RYR1: variants seen among roughly 807,000 people sequenced by gnomAD.
The protein encoded by RYR1 is ryanodine receptor 1.
Under a neutral mutation model 583.5 loss-of-function variants are expected in RYR1, and 342 were observed. That is an observed-to-expected ratio of 0.59 (90% CI 0.54 to 0.64). RYR1 has a LOEUF of 0.64. RYR1 is among the 30% of genes least tolerant of loss of function. The probability of loss-of-function intolerance (pLI) is 0.00; values close to 1 mark genes in which losing one functional copy is unlikely to be tolerated. For synonymous variants in RYR1, 2,791 were observed against 2,822.5 expected, an observed-to-expected ratio of 0.99 and a Z score of 0.35; for missense variants, 6,032 against 6,917.2, an observed-to-expected ratio of 0.87 and a Z score of 4.54.
At chr19:38,519,185 T>C (rs202149131) in intron 66 of RYR1, 29 bp from the exon 67 acceptor site, 63 of 1,613,662 alleles carry the variant, frequency 3.9e-5, no homozygotes, top group Non-Finnish European at 5.2e-5. Flanking sequence ...AGGCCGGAGG[T>C]GGCATCAGAG....
In RYR1 at chr19:38,517,469, A is replaced by T. The variant is rs201588259; in HGVS notation, c.9796A>T (p.Met3266Leu). The part of the protein sequence containing the change: ...LAESGARYTE[M>L]PHVIEITLPM... ...CGAGTCAGGTGCCCGCTACACAGAG[A>T]TGCCGCATGTCATCGAGATCACGCT... is the stretch of plus-strand genomic sequence containing the variant. The change falls in exon 66 of 106, where the codon ATG (methionine) becomes TTG (leucine). Residue 3266 changes from methionine to leucine, a missense_variant. Transcript: ENST00000359596. The T allele has an allele frequency of 3.0e-5, 49 of 1,613,898 alleles. No homozygotes were observed. The highest frequency in any genetic ancestry group is 4.1e-5 in the Non-Finnish European group (48 of 1,179,990).
intron 29 of RYR1, among the ~76,000 whole-genome samples, chr19:38,475,728 A>G (rs1360863260): frequency 6.6e-6 from 1 of 152,244 alleles, no homozygotes; most frequent in African/African-American, 2.4e-5. Flanking sequence ...ATAAGCCAAT[A>G]TAGACTAGGG....
Position 38,543,929 on chromosome 19 carries a change from C to T in RYR1, c.12012+54C>T. 9 of 1,539,750 alleles carry T rather than the reference C, an allele frequency of 5.8e-6. No homozygotes were observed. In the South Asian group the frequency reaches 9.2e-5, roughly 16 times the overall value. ...TGCTTCCGGGCGTCCCCCAAGTGGT[C>T]CATTTCCAAGTCTTGCCCCTTTGGT... is the stretch of plus-strand genomic sequence containing the variant. On this transcript the variant is annotated intron_variant, in intron 87 of 105. Coordinates refer to ENST00000359596, the MANE Select transcript of RYR1 (RefSeq NM_000540.3). The surrounding 1 kb of genome is among the most constrained non-coding windows in gnomAD (Gnocchi z 4.4).
At chr19:38,578,317 G>A in intron 99 of RYR1, 113 bp downstream of exon 99, 1 of 1,039,966 alleles carries the variant, frequency 9.6e-7, no homozygotes, top group Non-Finnish European at 1.5e-6. Context: ...CTGAGTGGCT[G>A]TGACCCTAGG....
chr19:38,550,796 T>C (rs1018983789), intron 89 of RYR1, among the ~76,000 whole-genome samples: 2 of 152,274 alleles, frequency 1.3e-5, no homozygotes, highest in African/African-American at 4.8e-5. Context: ...CATGAGGATA[T>C]ACTTTGAGGC....
chr19:38,439,201 T>C (rs975287688), intron 1 of RYR1, among the ~76,000 whole-genome samples: 7 of 152,088 alleles, frequency 4.6e-5, no homozygotes, highest in African/African-American at 1.4e-4. Context: ...TTTTTTTGTT[T>C]GTTTTTTGAG....
At chr19:38,559,260 G>A (rs1296983117) in intron 89 of RYR1, among the ~76,000 whole-genome samples, 4 of 142,702 alleles carry the variant, frequency 2.8e-5, no homozygotes, top group Non-Finnish European at 6.0e-5. Context: ...TTGAGACAGG[G>A]TCTCGCTCTT....
Position 38,519,334 on chromosome 19 carries a change from G to A in RYR1, c.10139G>A (p.Arg3380His), listed in dbSNP as rs754760055. 3.8e-5 allele frequency: 62 copies of A among 1,613,264 alleles called. No individual in the cohort carries two copies. Among genetic ancestry groups the A allele is most frequent in the Non-Finnish European group, 4.8e-5 (57 of 1,179,688 alleles). Residue 3380 changes from arginine to histidine, a missense_variant, in exon 67 of 106, where the codon CGC becomes CAC. By Grantham distance (29) the Arg-to-His change is conservative (BLOSUM62 0). Around this residue, in one of 11 missense-constraint regions of RYR1, gnomAD observed 1,493 missense variants for 1,715.5 expected, o/e 0.87. Coordinates refer to ENST00000359596, the MANE Select transcript of RYR1 (RefSeq NM_000540.3). ...GTGGTGTCCGAGGAGGAGCAGCTGC[G>A]CCTGGAGGCCAAGGCGGAGGCCCAG... ...GKVVSEEEQL[R>H]LEAKAEAQEG...
intron 73 of RYR1, chr19:38,527,992 G>C: frequency 3.2e-6 from 2 of 634,890 alleles, no homozygotes; most frequent in Non-Finnish European, 5.4e-6. Context: ...GGACAGGGAA[G>C]GGGCAGATCT....
In RYR1 at chr19:38,477,810, T is replaced by G. The variant is rs757528442; in HGVS notation, c.4394T>G (p.Leu1465Arg). 1.9e-6 allele frequency: 3 copies of G among 1,607,590 alleles called. No individual in the cohort carries two copies. Among genetic ancestry groups the G allele is most frequent in the Admixed American group, 1.7e-5 (1 of 59,570 alleles). Reference sequence around the variant, plus strand: ...CATCAGCACGACATGAGCTTCGACCTCAGCAAGGTCCGGGTCGTGACGGTG... The same window carrying G: ...CATCAGCACGACATGAGCTTCGACCGCAGCAAGGTCCGGGTCGTGACGGTG... ...DYHQHDMSFD[L>R]SKVRVVTVTM... Residue 1465 changes from leucine (L) to arginine (R), a missense_variant, in exon 30 of 106, where the codon CTC (leucine) becomes CGC (arginine). Leu to Arg is a moderately radical substitution (Grantham distance 102). Transcript: ENST00000359596.
chr19:38,496,831 G>A lies in RYR1; in HGVS notation c.6797-29G>A, dbSNP rs573179690. ...GAGGAGGCGAGACAAGCAGGAGTGA[G>A]ATGTTCTCCCCACCTCTCGCCCCTG... On this transcript the variant is annotated intron_variant, in intron 41 of 105. Transcript: ENST00000359596. The surrounding 1 kb of genome is among the most constrained non-coding windows in gnomAD (Gnocchi z 4.8). The A allele has an allele frequency of 1.3e-6, 2 of 1,598,674 alleles. No homozygotes were observed. The highest frequency in any genetic ancestry group is 2.2e-5 in the South Asian group (2 of 90,606).
chr19:38,457,991 C>T (rs1294627436), intron 17 of RYR1, 60 bp from the exon 18 acceptor site: 27 of 1,579,160 alleles, frequency 1.7e-5, no homozygotes, highest in Non-Finnish European at 2.3e-5. Context: ...GGCTTCCCAC[C>T]ACTTGGCTCT....
chr19:38,570,734 A>T, intron 94 of RYR1, 41 bp downstream of exon 94: 8 of 1,477,518 alleles, frequency 5.4e-6, no homozygotes, highest in Non-Finnish European at 6.6e-6. Flanking sequence ...GCCCTTTTCC[A>T]TGCTGTGGGA....
At chr19:38,563,037 G>A (rs1316853510) in intron 90 of RYR1, among the ~76,000 whole-genome samples, 1 of 152,068 alleles carries the variant, frequency 6.6e-6, no homozygotes, top group Non-Finnish European at 1.5e-5. Flanking sequence ...GTTCACCACG[G>A]CCCTTCCCAC....
At chr19:38,525,876 C>G (rs759767629) in intron 71 of RYR1, among the ~76,000 whole-genome samples, 1 of 151,624 alleles carries the variant, frequency 6.6e-6, no homozygotes, top group Admixed American at 6.6e-5. Flanking sequence ...ATCCTCTGAA[C>G]CCTCCACCAA....
intron 1 of RYR1, 32 bp from the exon 2 acceptor site, chr19:38,440,713 C>T: frequency 1.9e-6 from 3 of 1,601,914 alleles, no homozygotes; most frequent in African/African-American, 1.3e-5. Flanking sequence ...CGGGCCAGGC[C>T]CCCCTGGAGA....
At chr19:38,573,691 G>C (rs917914323) in intron 96 of RYR1, among the ~76,000 whole-genome samples, 14 of 139,942 alleles carry the variant, frequency 1.0e-4, no homozygotes, top group African/African-American at 3.8e-4. Context: ...CTTCCCCCCA[G>C]ACAAAAAAAA....
At chr19:38,570,585 C>T in intron 93 of RYR1, 22 bp from the exon 94 acceptor site, 1 of 1,597,936 alleles carries the variant, frequency 6.3e-7, no homozygotes, top group South Asian at 1.1e-5. Flanking sequence ...AGCGCTTTCT[C>T]TCTTTTTCTC....
chr19:38,570,484 T>A, intron 93 of RYR1, 123 bp from the exon 94 acceptor site: 1 of 603,296 alleles, frequency 1.7e-6, no homozygotes, highest in South Asian at 2.0e-5. Flanking sequence ...AATAAATAAA[T>A]AGGAGGTTGT....
Sources: gnomAD v4.1 joint callset for allele counts (sites outside exome capture counted in the v4.1 genomes callset) on GRCh38, gnomAD v4.1.1 for gene constraint, gnomAD v4.1.1 regional missense constraint, Gnocchi (gnomAD v3.1) non-coding constraint, MANE v1.5 for transcripts, NCBI Gene and HGNC (gene_info 2026-07-23, HGNC 2026-07-21) for gene names.